ATF7IP2: variants seen among roughly 807,000 people sequenced by gnomAD.
The protein encoded by ATF7IP2 is activating transcription factor 7 interacting protein 2.
Under a neutral mutation model 64.2 loss-of-function variants are expected in ATF7IP2, and 42 were observed. That is an observed-to-expected ratio of 0.65 (90% CI 0.51 to 0.85). The LOEUF is 0.85. Ranked by LOEUF, ATF7IP2 falls within the 40% of genes least tolerant of loss-of-function variation. The pLI is 0.00. For missense variants in ATF7IP2, 933 were observed against 784.2 expected (o/e 1.19, Z -2.27); for synonymous variants, 308 against 272.8 (o/e 1.13, Z -1.27).
Position 10,482,185 on chromosome 16 carries a change from T to C in ATF7IP2, c.1985T>C (p.Phe662Ser). ...TTTACTGTCCAATCAAAAGATATTT[T>C]TGGACGATATGGACCATTCTGTGAT... is the stretch of plus-strand genomic sequence containing the variant. ...YYFTVQSKDI[F>S]GRYGPFCDIK... Residue 662 changes from phenylalanine to serine, a missense_variant, in exon 14 of 14, where the codon TTT (phenylalanine) becomes TCT (serine). Coordinates refer to ENST00000562102, the MANE Select transcript of ATF7IP2 (RefSeq NM_001393719.1). 6.2e-7 allele frequency: 1 copy of C among 1,613,382 alleles called. No individual in the cohort carries two copies. Among genetic ancestry groups the C allele is most frequent in the Non-Finnish European group, 8.5e-7 (1 of 1,179,398 alleles).
At chr16:10,463,023 T>C (rs2049425842) in intron 9 of ATF7IP2, among the ~76,000 whole-genome samples, 1 of 152,254 alleles carries the variant, frequency 6.6e-6, no homozygotes, top group Non-Finnish European at 1.5e-5. Context: ...TCATGTTCTT[T>C]GGTGAAATTC....
At chr16:10,399,864 A>G (rs1442468345) in intron 1 of ATF7IP2, among the ~76,000 whole-genome samples, 1 of 152,120 alleles carries the variant, frequency 6.6e-6, no homozygotes, top group African/African-American at 2.4e-5. Context: ...TTCTTTTGTC[A>G]GTGTTTTATA....
At chr16:10,390,791 A>G (rs2047306135) in intron 1 of ATF7IP2, among the ~76,000 whole-genome samples, 1 of 152,202 alleles carries the variant, frequency 6.6e-6, no homozygotes, top group Non-Finnish European at 1.5e-5. Context: ...CTAAAAATGA[A>G]AAGGAAAAAG....
chr16:10,449,998 C>T (rs2048934513), intron 8 of ATF7IP2, among the ~76,000 whole-genome samples: 1 of 152,126 alleles, frequency 6.6e-6, no homozygotes, highest in Admixed American at 6.6e-5. Context: ...AAATGTGTCC[C>T]AGGGATTCTG....
intron 3 of ATF7IP2, among the ~76,000 whole-genome samples, chr16:10,426,897 G>C (rs2048097022): frequency 6.6e-6 from 1 of 151,914 alleles, no homozygotes; most frequent in Non-Finnish European, 1.5e-5. Flanking sequence ...CTGTTGTCCA[G>C]GCTGAAGTAC....
At chr16:10,468,907 G>T (rs558490462) in intron 9 of ATF7IP2, among the ~76,000 whole-genome samples, 13 of 152,280 alleles carry the variant, frequency 8.5e-5, no homozygotes, top group African/African-American at 3.1e-4. Context: ...TCCACAGATG[G>T]TTATTGCTTT....
intron 1 of ATF7IP2, among the ~76,000 whole-genome samples, chr16:10,396,422 G>C (rs1013978355): frequency 1.5e-4 from 23 of 152,110 alleles, no homozygotes; most frequent in African/African-American, 5.6e-4. Context: ...CGTTCCCTAT[G>C]CTGTCGGGGT....
chr16:10,433,393 T>C, intron 5 of ATF7IP2, 132 bp from the exon 6 acceptor site: 1 of 730,752 alleles, frequency 1.4e-6, no homozygotes, highest in Non-Finnish European at 2.2e-6. Flanking sequence ...CAGGCTGGTC[T>C]TGAACTCCTG....
chr16:10,389,895 T>A (rs1567419196), intron 1 of ATF7IP2, among the ~76,000 whole-genome samples: 1 of 152,244 alleles, frequency 6.6e-6, no homozygotes, highest in Non-Finnish European at 1.5e-5. Flanking sequence ...TGAGTTTTGT[T>A]ATTTTGTTAA....
At chr16:10,481,435 C>T (rs976997868) in intron 13 of ATF7IP2, among the ~76,000 whole-genome samples, 2 of 151,628 alleles carry the variant, frequency 1.3e-5, no homozygotes, top group African/African-American at 2.4e-5. Context: ...CAGGCACGCA[C>T]CACCACGCAC....
intron 1 of ATF7IP2, among the ~76,000 whole-genome samples, chr16:10,412,581 G>GT (rs1403732038): frequency 6.6e-6 from 1 of 152,136 alleles, no homozygotes; most frequent in East Asian, 1.9e-4. Flanking sequence ...ATTGAGGCTT[G>GT]TTTTGTAGCC....
intron 9 of ATF7IP2, among the ~76,000 whole-genome samples, chr16:10,464,730 G>A (rs535706952): frequency 5.3e-4 from 81 of 152,308 alleles, no homozygotes; most frequent in Non-Finnish European, 8.7e-4. Flanking sequence ...TACAGAGATG[G>A]AAAGGGGGAC....
Position 10,440,467 on chromosome 16 carries a change from G to A in ATF7IP2, c.1194+5G>A. ...TCCAGTAATGGAGCCTCTAAGGTTT[G>A]TATAAACACACAGGAATTGTAATCA... On this transcript the variant is annotated splice_donor_5th_base_variant and intron_variant, in intron 8 of 13. Coordinates refer to ENST00000562102, the MANE Select transcript of ATF7IP2 (RefSeq NM_001393719.1). 1 of 1,427,092 alleles carries A rather than the reference G, an allele frequency of 7.0e-7. No individual in the cohort carries two copies. Among genetic ancestry groups the A allele is most frequent in the Middle Eastern group, 1.8e-4 (1 of 5,660 alleles). The allele number at this position is 1,427,092 out of a possible 1,614,324, so 88.4% of individuals were successfully genotyped here. A position where few individuals can be genotyped will look rare whatever the true frequency, so the allele number is the denominator to read the frequency against.
At chr16:10,399,115 A>G (rs1301007876) in intron 1 of ATF7IP2, among the ~76,000 whole-genome samples, 4 of 106,364 alleles carry the variant, frequency 3.8e-5, no homozygotes, top group Non-Finnish European at 8.6e-5. Context: ...TTCAGACTAA[A>G]AGAAAAAAAA....
chr16:10,464,646 C>T (rs906450672), intron 9 of ATF7IP2, among the ~76,000 whole-genome samples: 1 of 152,090 alleles, frequency 6.6e-6, no homozygotes, highest in Non-Finnish European at 1.5e-5. Flanking sequence ...ACCATTTCAC[C>T]AATACTGATT....
At chr16:10,455,388 C>T (rs7198868) in intron 8 of ATF7IP2, among the ~76,000 whole-genome samples, 13,190 of 152,208 alleles carry the variant, frequency 0.087, 1,250 homozygotes, top group African/African-American at 0.23. Context: ...AGTCCAGAAA[C>T]GCAGGCAGCC....
At chr16:10,408,249 A>G (rs2047682974) in intron 1 of ATF7IP2, among the ~76,000 whole-genome samples, 1 of 152,152 alleles carries the variant, frequency 6.6e-6, no homozygotes, top group Non-Finnish European at 1.5e-5. Context: ...ATTAATGGGC[A>G]TTTGGGCTGG....
At chr16:10,462,503 C>G (rs1179253242) in intron 9 of ATF7IP2, among the ~76,000 whole-genome samples, 2 of 152,046 alleles carry the variant, frequency 1.3e-5, no homozygotes, top group African/African-American at 2.4e-5. Context: ...ATTTTTCTTT[C>G]AGCACTTTCA....
At chr16:10,395,751 C>T (rs1020839498) in intron 1 of ATF7IP2, among the ~76,000 whole-genome samples, 1 of 152,034 alleles carries the variant, frequency 6.6e-6, no homozygotes, top group Non-Finnish European at 1.5e-5. Flanking sequence ...AAACATTAAA[C>T]AATAGGGAAA....
Sources: allele counts gnomAD v4.1 joint callset (sites outside exome capture counted in the v4.1 genomes callset), GRCh38; gene constraint gnomAD v4.1.1; transcripts MANE v1.5; gene names NCBI Gene and HGNC (gene_info 2026-07-23, HGNC 2026-07-21).